Variants in UGP2 observed in about 807,000 individuals in gnomAD.
The protein encoded by UGP2 is UTP--glucose-1-phosphate uridylyltransferase.
In UGP2, 40 loss-of-function variants were observed where a neutral mutation model predicts 49.0. The ratio of observed to expected loss-of-function variants is 0.82; its 90% CI spans 0.63 to 1.06. UGP2 has a LOEUF of 1.06. Among genes scored for constraint, UGP2 ranks in the 50% least tolerant of loss-of-function variants. The probability of loss-of-function intolerance (pLI) is 0.00; values close to 1 mark genes in which losing one functional copy is unlikely to be tolerated. For missense variants in UGP2, 460 were observed against 603.5 expected (o/e 0.76, Z 2.49); for synonymous variants, 225 against 213.0 (o/e 1.06, Z -0.49).
rs142207709 is a variant in UGP2, at chr2:63,868,166, T to C, written c.255+10230T>C. 6.4e-3 allele frequency among the ~76,000 whole-genome samples: 979 copies of C among 152,304 alleles called. 12 individuals carry two copies. The highest frequency in any genetic ancestry group is 0.023 in the African/African-American group (948 of 41,568). On this transcript the variant is annotated intron_variant, in intron 3 of 9. Transcript: ENST00000337130. ...TAGAGGACTATTGTAGCTATTAAAA[T>C]AATTAAGTACCCGTTTTCATATTGT... is the stretch of plus-strand genomic sequence containing the variant.
intron 1 of UGP2, chr2:63,856,057 G>C: frequency 3.0e-6 from 1 of 334,844 alleles, no homozygotes; most frequent in Non-Finnish European, 5.5e-6. Context: ...TGAAAACGTC[G>C]ATACAGGGAA....
intron 3 of UGP2, among the ~76,000 whole-genome samples, chr2:63,863,479 TA>T (rs1669985340): frequency 6.6e-6 from 1 of 152,200 alleles, no homozygotes; most frequent in South Asian, 2.1e-4. Context: ...CTACAATTTT[TA>T]ATGAAAGGGC....
intron 1 of UGP2, among the ~76,000 whole-genome samples, chr2:63,843,870 T>TTTTTTTC (rs1158919998): frequency 6.6e-6 from 1 of 152,136 alleles, no homozygotes; most frequent in East Asian, 1.9e-4. Context: ...TGCCAGCCAC[T>TTTTTTTC]TTTTTTCTTT....
intron 3 of UGP2, among the ~76,000 whole-genome samples, chr2:63,860,883 T>C (rs1357895733): frequency 6.6e-6 from 1 of 151,880 alleles, no homozygotes. Context: ...AAATAGTTTT[T>C]CATAAATACT....
At position 63,890,104 on chromosome 2, in the gene UGP2, T is replaced by G; in HGVS notation, c.1338T>G (p.Phe446Leu). ...AGGTTCAAGATTATCTAAGAAGATT[T>G]GAAAGTATACCAGATATGCTTGAAT... is the stretch of plus-strand genomic sequence containing the variant. Reference protein sequence around the residue: ...FTKVQDYLRRFESIPDMLELD... With the variant: ...FTKVQDYLRRLESIPDMLELD... The change falls in exon 9 of 10, where the codon TTT becomes TTG. Residue 446 changes from phenylalanine to leucine, a missense_variant. By Grantham distance (22) the Phe-to-Leu change is conservative. This residue lies in a region of UGP2 where 317 missense variants were observed against 473.0 expected (regional missense o/e 0.67). Coordinates refer to ENST00000337130, the MANE Select transcript of UGP2 (RefSeq NM_006759.4). The G allele has an allele frequency of 1.2e-6, 2 of 1,610,534 alleles. No individual in the cohort carries two copies. The highest frequency in any genetic ancestry group is 2.2e-5 in the South Asian group (2 of 90,390).
rs34467113 is a variant in UGP2 at position 63,881,348 on chromosome 2, TACACACACAC to T, written c.256-1097_256-1088del. Among the ~76,000 whole-genome samples, 16 of 145,926 alleles carry T rather than the reference TACACACACAC, an allele frequency of 1.1e-4. No individual in the cohort carries two copies. The South Asian group carries it at 1.8e-3, about 16-fold the overall frequency. On this transcript the variant is annotated intron_variant, in intron 3 of 9. Transcript: ENST00000337130. ...TTCTTTCCCAGTCACACCTACCCAT[TACACACACAC>T]ACACACACACACACACACACGTTCC...
In UGP2 at chr2:63,886,272, A is replaced by G. The variant is rs575469956; in HGVS notation, c.874-69A>G. On this transcript the variant is annotated intron_variant, in intron 6 of 9. Coordinates refer to ENST00000337130, the MANE Select transcript of UGP2 (RefSeq NM_006759.4). ...TTTATATATTTTTTGTATAATCACT[A>G]TCTTTGTATTTACAAAAAAATGCAC... 3.3e-5 allele frequency: 47 copies of G among 1,415,706 alleles called. No individual in the cohort carries two copies. The East Asian group carries it at 6.2e-4, about 19-fold the overall frequency. The allele number at this position is 1,415,706 out of a possible 1,614,324, so 87.7% of individuals were successfully genotyped here. A position where few individuals can be genotyped will look rare whatever the true frequency, so the allele number is the denominator to read the frequency against.
At position 63,882,651 on chromosome 2, in the gene UGP2, A is replaced by G. The variant is rs1402396141; in HGVS notation, c.441A>G (p.Glu147=). 4 of 1,557,916 alleles carry G rather than the reference A, an allele frequency of 2.6e-6. No homozygotes were observed. In the South Asian group the frequency reaches 3.6e-5, roughly 14 times the overall value. The change falls in exon 4 of 10, where the codon GAA becomes GAG. Residue 147 remains glutamate, a splice_region_variant and synonymous_variant. Coordinates refer to ENST00000337130, the MANE Select transcript of UGP2 (RefSeq NM_006759.4). ...TGGATCTGACTGTTCAGCAAATTGA[A>G]GTGAGTAACATTTAGCCTTTCTCAT... is the stretch of plus-strand genomic sequence containing the variant. ...TFLDLTVQQI[E]HLNKTYNTDV... is the part of the protein sequence containing the mutation.
At chr2:63,847,316 A>G (rs534025640) in intron 1 of UGP2, among the ~76,000 whole-genome samples, 1 of 152,314 alleles carries the variant, frequency 6.6e-6, no homozygotes, top group African/African-American at 2.4e-5. Context: ...TTTTCCCTTC[A>G]TAGATGAATT....
chr2:63,843,007 C>CT (rs1269245898), intron 1 of UGP2, among the ~76,000 whole-genome samples: 7 of 152,288 alleles, frequency 4.6e-5, no homozygotes, highest in African/African-American at 1.7e-4. Flanking sequence ...AAACTCTTTC[C>CT]TTGTAGACTC....
intron 3 of UGP2, among the ~76,000 whole-genome samples, chr2:63,880,804 T>A (rs926029448): frequency 6.6e-6 from 1 of 151,894 alleles, no homozygotes; most frequent in African/African-American, 2.4e-5. Flanking sequence ...TCTGCAGCCA[T>A]CGGTGTGGTC....
At chr2:63,858,484 A>C (rs745910767) in intron 3 of UGP2, among the ~76,000 whole-genome samples, 1 of 151,848 alleles carries the variant, frequency 6.6e-6, no homozygotes, top group South Asian at 2.1e-4. Context: ...AATGTCTTTC[A>C]GTTCTTAATG....
intron 3 of UGP2, among the ~76,000 whole-genome samples, chr2:63,864,746 C>T (rs1452125669): frequency 6.6e-6 from 1 of 152,166 alleles, no homozygotes; most frequent in East Asian, 1.9e-4. Flanking sequence ...ATCAGTTCTC[C>T]ATCTTTGGGT....
At chr2:63,843,457 A>T (rs1365953219) in intron 1 of UGP2, among the ~76,000 whole-genome samples, 3 of 152,238 alleles carry the variant, frequency 2.0e-5, no homozygotes, top group Non-Finnish European at 4.4e-5. Flanking sequence ...AGTTACCATA[A>T]AGGCGGTATT....
At chr2:63,857,663 G>A (rs893411950) in intron 2 of UGP2, 166 bp from the exon 3 acceptor site, 1 of 727,344 alleles carries the variant, frequency 1.4e-6, no homozygotes, top group Admixed American at 2.1e-5. Context: ...ACTACGCCCA[G>A]CCTGTATTAG....
At chr2:63,889,857 A>T in intron 8 of UGP2, 1 of 441,478 alleles carries the variant, frequency 2.3e-6, no homozygotes, top group Non-Finnish European at 4.0e-6. Context: ...CTGCTCAACT[A>T]TCTTGTAAAT....
At chr2:63,855,594 T>C in intron 1 of UGP2, 3 of 359,384 alleles carry the variant, frequency 8.3e-6, no homozygotes, top group Admixed American at 7.5e-5. Context: ...CAGGCTGGAG[T>C]GCGGTGGCGC....
At chr2:63,856,778 C>A (rs998166461) in intron 2 of UGP2, 1 of 464,896 alleles carries the variant, frequency 2.2e-6, no homozygotes, top group Admixed American at 2.3e-5. Context: ...GTCCTGCATG[C>A]CTTTTCCAGA....
chr2:63,877,067 G>C (rs1670955121), intron 3 of UGP2, among the ~76,000 whole-genome samples: 1 of 152,212 alleles, frequency 6.6e-6, no homozygotes, highest in Non-Finnish European at 1.5e-5. Context: ...AATTGCAGTT[G>C]TTACAGTTCT....
Sources: allele counts gnomAD v4.1 joint callset (sites outside exome capture counted in the v4.1 genomes callset), GRCh38; gene constraint gnomAD v4.1.1; regional missense constraint gnomAD v4.1.1; transcripts MANE v1.5; gene names NCBI Gene and HGNC (gene_info 2026-07-23, HGNC 2026-07-21).